Variants in KAZN observed in about 807,000 individuals in gnomAD.
The protein encoded by KAZN is kazrin, periplakin interacting protein.
In KAZN, 40 loss-of-function variants were observed where a neutral mutation model predicts 87.4. The observed-to-expected ratio is 0.46, with a 90% confidence interval of 0.36 to 0.60. The LOEUF is 0.60. KAZN is among the 20% of genes least tolerant of loss of function. The pLI, the probability that KAZN is intolerant of heterozygous loss-of-function variation, is 0.00. For synonymous variants in KAZN, 466 were observed against 458.3 expected (o/e 1.02, Z -0.22); for missense variants, 898 against 1,073.9 (o/e 0.84, Z 2.29).
chr1:14,658,374 T>C (rs1472537097), intron 1 of KAZN, among the ~76,000 whole-genome samples: 1 of 152,168 alleles, frequency 6.6e-6, no homozygotes, highest in Non-Finnish European at 1.5e-5. Context: ...GTATCATCAT[T>C]ATTATTCACT....
intron 1 of KAZN, among the ~76,000 whole-genome samples, chr1:13,978,495 A>AAT (rs144800375): frequency 0.56 from 82,304 of 147,410 alleles, 23,182 homozygotes; most frequent in Admixed American, 0.68. Context: ...TATAGAGATA[A>AAT]ATATATATAT....
At chr1:14,993,725 C>T (rs1431635581) in intron 2 of KAZN, among the ~76,000 whole-genome samples, 1 of 152,176 alleles carries the variant, frequency 6.6e-6, no homozygotes. Context: ...CCCAGGACTT[C>T]GCCCATCCTG....
chr1:14,303,534 C>T lies in KAZN; in HGVS notation c.249+122942C>T, dbSNP rs553643432. ...CTGGGATTACAGGCGTGAGCCACTG[C>T]GCCCAGACGGGAATCTGCACTTTTA... is the stretch of plus-strand genomic sequence containing the variant. On this transcript the variant is annotated intron_variant, in intron 2 of 16. Coordinates refer to the KAZN transcript ENST00000636203. 1.1e-4 allele frequency among the ~76,000 whole-genome samples: 17 copies of T among 152,288 alleles called. No individual in the cohort carries two copies. In the East Asian group the frequency reaches 1.5e-3, roughly 14 times the overall value.
chr1:14,928,684 G>GA (rs1364506239), intron 1 of KAZN, among the ~76,000 whole-genome samples: 1 of 152,192 alleles, frequency 6.6e-6, no homozygotes, highest in Non-Finnish European at 1.5e-5. Flanking sequence ...CCACTGCTTG[G>GA]AATTAAGAAT....
chr1:14,594,400 C>T (rs541358908), upstream of KAZN, among the ~76,000 whole-genome samples: 109 of 152,298 alleles, frequency 7.2e-4, no homozygotes, highest in African/African-American at 2.4e-3. Context: ...GCAACAAACA[C>T]ACACGGCACA....
intron 2 of KAZN, among the ~76,000 whole-genome samples, chr1:14,420,485 C>T (rs1571603230): frequency 1.3e-5 from 2 of 152,364 alleles, no homozygotes; most frequent in African/African-American, 4.8e-5. Flanking sequence ...GCACCATGCA[C>T]CCACACTCCT....
At chr1:14,431,424 A>C (rs570943562) in intron 2 of KAZN, among the ~76,000 whole-genome samples, 2 of 152,354 alleles carry the variant, frequency 1.3e-5, no homozygotes, top group African/African-American at 4.8e-5. Flanking sequence ...CCTAAGTAGA[A>C]AAGATGAGGG....
At chr1:14,000,948 A>G (rs1639761235) in intron 1 of KAZN, among the ~76,000 whole-genome samples, 1 of 151,406 alleles carries the variant, frequency 6.6e-6, no homozygotes, top group Non-Finnish European at 1.5e-5. Context: ...ACGCCCGGCT[A>G]ATTTTTTGTA....
In KAZN at chr1:14,856,421, G is replaced by A. The variant is rs577734591; in HGVS notation, c.227-104263G>A. 5.3e-5 allele frequency among the ~76,000 whole-genome samples: 8 copies of A among 152,156 alleles called. No individual in the cohort carries two copies. The highest frequency in any genetic ancestry group is 1.0e-4 in the Non-Finnish European group (7 of 68,020). On this transcript the variant is annotated intron_variant, in intron 1 of 14. Transcript: ENST00000376030. The surrounding 1 kb of genome is among the most constrained non-coding windows in gnomAD (Gnocchi z 5.2). ...GAAGAAGGAGGCAATATTTCCATAG[G>A]TGGCATAGCTAAAGACATTACAAAG...
At chr1:14,289,884 A>G (rs184412858) in intron 2 of KAZN, among the ~76,000 whole-genome samples, 1 of 152,224 alleles carries the variant, frequency 6.6e-6, no homozygotes, top group Non-Finnish European at 1.5e-5. Context: ...CGGTGGTGAC[A>G]AAATCTCTCA....
chr1:14,899,337 C>G (rs1391965041), intron 1 of KAZN, among the ~76,000 whole-genome samples: 1 of 152,220 alleles, frequency 6.6e-6, no homozygotes, highest in African/African-American at 2.4e-5. Context: ...GTCCTCACCT[C>G]TCTTCAGCCT....
At chr1:14,618,136 T>C (rs1217319289) in intron 1 of KAZN, among the ~76,000 whole-genome samples, 2 of 152,260 alleles carry the variant, frequency 1.3e-5, no homozygotes, top group Non-Finnish European at 2.9e-5. Flanking sequence ...AGATGGCAGC[T>C]GAGTCCGGCG....
At position 14,677,208 on chromosome 1, in the gene KAZN, T is replaced by C. The variant is rs80105976; in HGVS notation, c.226+77985T>C. On this transcript the variant is annotated intron_variant, in intron 1 of 14. Transcript: ENST00000376030. ...ATCAAGGTTACAGGTTACAGGGCTA[T>C]TAAGGGGCTGCCTGGACCGCAAAGC... Among the ~76,000 whole-genome samples the C allele has an allele frequency of 6.6e-3, 1,007 of 152,290 alleles. 25 individuals are homozygous for C. Among genetic ancestry groups the C allele is most frequent in the East Asian group, 0.029 (149 of 5,170 alleles).
chr1:13,935,861 A>AAT (rs1414888376), intron 1 of KAZN, among the ~76,000 whole-genome samples: 3 of 87,100 alleles, frequency 3.4e-5, no homozygotes, highest in Admixed American at 2.7e-4. Flanking sequence ...TTTACATCCT[A>AAT]ATGTGTGTGT....
At chr1:14,984,475 A>G (rs1454493669) in intron 2 of KAZN, among the ~76,000 whole-genome samples, 1 of 152,186 alleles carries the variant, frequency 6.6e-6, no homozygotes, top group Admixed American at 6.5e-5. Flanking sequence ...CTCATATGGA[A>G]TGGGGGAAGG....
chr1:14,625,184 C>CT (rs755336520), intron 1 of KAZN, among the ~76,000 whole-genome samples: 4 of 152,108 alleles, frequency 2.6e-5, no homozygotes, highest in Non-Finnish European at 5.9e-5. Flanking sequence ...GCATTCTTCT[C>CT]TTTTTCCTTG....
chr1:14,783,391 A>G lies in KAZN; in HGVS notation c.227-177293A>G, dbSNP rs147791728. ...AAGAGCCCACATGCAGAGAACTGAT[A>G]AAAACCAACTGTCCTTCACGGTGAC... On this transcript the variant is annotated intron_variant, in intron 1 of 14. Coordinates refer to ENST00000376030, the MANE Select transcript of KAZN (RefSeq NM_201628.3). 2.6e-4 allele frequency among the ~76,000 whole-genome samples: 40 copies of G among 152,210 alleles called. 2 individuals carry two copies. The highest frequency in any genetic ancestry group is 9.6e-4 in the African/African-American group (40 of 41,558).
chr1:14,619,098 T>C (rs1312184867), intron 1 of KAZN, among the ~76,000 whole-genome samples: 4 of 151,838 alleles, frequency 2.6e-5, no homozygotes, highest in African/African-American at 9.7e-5. Flanking sequence ...TAAATGAGAT[T>C]GAGAATGCAG....
chr1:14,823,722 G>C (rs1646802631), intron 1 of KAZN, among the ~76,000 whole-genome samples: 1 of 152,186 alleles, frequency 6.6e-6, no homozygotes, highest in South Asian at 2.1e-4. Context: ...AGCCCAGAAG[G>C]GGAGGTCCGC....
Sources: gnomAD v4.1 joint callset for allele counts (sites outside exome capture counted in the v4.1 genomes callset) on GRCh38, gnomAD v4.1.1 for gene constraint, Gnocchi (gnomAD v3.1) non-coding constraint, MANE v1.5 for transcripts, NCBI Gene and HGNC (gene_info 2026-07-23, HGNC 2026-07-21) for gene names.